The following MKRN2 variants were observed in gnomAD, a reference collection of about 807,000 sequenced individuals.
MKRN2 encodes E3 ubiquitin-protein ligase makorin-2.
Under a neutral mutation model 45.4 loss-of-function variants are expected in MKRN2, and 32 were observed. The ratio of observed to expected loss-of-function variants is 0.70; its 90% confidence interval spans 0.53 to 0.95. MKRN2 has a LOEUF of 0.95. MKRN2 is among the 40% of genes least tolerant of loss of function. The pLI is 0.00. For missense variants in MKRN2, 526 were observed against 536.7 expected (o/e 0.98, Z 0.20); for synonymous variants, 206 against 192.4 (o/e 1.07, Z -0.59).
At chr3:12,576,781 C>A in intron 6 of MKRN2, 40 bp downstream of exon 6, 1 of 1,407,726 alleles carries the variant, frequency 7.1e-7, no homozygotes, top group Non-Finnish European at 1.0e-6. Context: ...TGCTGCCTGC[C>A]TGGCTCTGCT....
intron 3 of MKRN2, among the ~76,000 whole-genome samples, chr3:12,570,890 A>G (rs1181428659): frequency 2.7e-5 from 4 of 147,548 alleles, no homozygotes; most frequent in Non-Finnish European, 4.4e-5. Flanking sequence ...TCTCAAAAAA[A>G]AAAAAAAAAA....
intron 1 of MKRN2, among the ~76,000 whole-genome samples, chr3:12,566,683 A>G (rs2058070589): frequency 6.6e-6 from 1 of 151,794 alleles, no homozygotes; most frequent in African/African-American, 2.4e-5. Context: ...GCTCACTGCA[A>G]CCTCCGCCTC....
At chr3:12,574,754 G>A (rs1294828324) in intron 4 of MKRN2, 38 bp from the exon 5 acceptor site, 3 of 1,575,324 alleles carry the variant, frequency 1.9e-6, no homozygotes, top group South Asian at 1.1e-5. Flanking sequence ...CTCCTCAGTG[G>A]CCCACAACCA....
chr3:12,563,916 G>C (rs1559387031), intron 1 of MKRN2, among the ~76,000 whole-genome samples: 1 of 150,654 alleles, frequency 6.6e-6, no homozygotes, highest in Non-Finnish European at 1.5e-5. Flanking sequence ...ATGAACACGG[G>C]TGTGCAAATG....
intron 1 of MKRN2, 97 bp downstream of exon 1, chr3:12,557,273 C>T (rs2057984153): frequency 1.4e-6 from 2 of 1,457,780 alleles, no homozygotes; most frequent in East Asian, 2.8e-5. Context: ...GAGGCTAGAG[C>T]GGGACTCGGA....
At chr3:12,559,165 C>A (rs1377611521) in intron 1 of MKRN2, among the ~76,000 whole-genome samples, 1 of 152,158 alleles carries the variant, frequency 6.6e-6, no homozygotes, top group African/African-American at 2.4e-5. Flanking sequence ...GGAGTCAGGG[C>A]TCCCGATGAC....
In MKRN2 at chr3:12,572,379, G is replaced by A. The variant is rs1226393210; in HGVS notation, c.642+6G>A. The A allele has an allele frequency of 3.2e-6, 5 of 1,547,046 alleles. No individual in the cohort carries two copies. Among genetic ancestry groups the A allele is most frequent in the Non-Finnish European group, 4.4e-6 (5 of 1,143,818 alleles). On this transcript the variant is annotated splice_donor_region_variant and intron_variant, in intron 4 of 7. Coordinates refer to ENST00000170447, the MANE Select transcript of MKRN2 (RefSeq NM_014160.5). Reference sequence around the variant, plus strand: ...AGAGGAAGGCTCATGAAAAGGTAAAGTCACAAACCTTTGCATGAACTCATG... The same window carrying A: ...AGAGGAAGGCTCATGAAAAGGTAAAATCACAAACCTTTGCATGAACTCATG...
In MKRN2 at chr3:12,582,243, C is replaced by A. The variant is rs2125310032; in HGVS notation, c.1241C>A (p.Ser414Ter). Residue 414 changes from serine (S) to a stop codon, truncating the protein, a stop_gained, in exon 8 of 8, where the codon TCA becomes TAA. Transcript: ENST00000170447. LOFTEE classifies it high-confidence loss of function. ...ATGCACCTTTCTGGAGTGGAATCAT[C>A]AGAACCCTAAAGAGTAGATGGTTGC... ...LFMHLSGVESSEP is the reference protein window; with the variant it reads ...LFMHLSGVES 8 of 1,614,104 alleles carry A rather than the reference C, an allele frequency of 5.0e-6. No homozygotes were observed. The highest frequency in any genetic ancestry group is 1.1e-5 in the South Asian group (1 of 91,076).
chr3:12,583,510 G>A lies in MKRN2; in HGVS notation c.*1257G>A, dbSNP rs1309197570. 1.9e-5 allele frequency: 4 copies of A among 208,698 alleles called. No individual in the cohort carries two copies. The highest frequency in any genetic ancestry group is 3.9e-5 in the Non-Finnish European group (4 of 102,650). The allele number at this position is 208,698 out of a possible 1,614,324, so 12.9% of individuals were successfully genotyped here. A position where few individuals can be genotyped will look rare whatever the true frequency, so the allele number is the denominator to read the frequency against. ...AGCCTAGGCTCTGGGCACATTTCCTGTTCTTGAATTCTGCTCCTGAAGAGG... is the reference window on the plus strand; with the variant it reads ...AGCCTAGGCTCTGGGCACATTTCCTATTCTTGAATTCTGCTCCTGAAGAGG... On this transcript the variant is annotated 3_prime_UTR_variant, in exon 8 of 8. Transcript: ENST00000170447.
In MKRN2 at chr3:12,583,626, T is replaced by C. The variant is rs951214810; in HGVS notation, c.*1373T>C. The C allele has an allele frequency of 4.3e-5, 10 of 232,240 alleles. No homozygotes were observed. Among genetic ancestry groups the C allele is most frequent in the Non-Finnish European group, 5.1e-5 (6 of 117,516 alleles). 14.4% of individuals were successfully genotyped at this position (232,240 alleles called of 1,614,324 possible). On this transcript the variant is annotated 3_prime_UTR_variant, in exon 8 of 8. Coordinates refer to ENST00000170447, the MANE Select transcript of MKRN2 (RefSeq NM_014160.5). ...TTACACCTAAATTTAATTTATTTTATTAAAATAACATAATTGAGGGACCAT... is the reference window on the plus strand; with the variant it reads ...TTACACCTAAATTTAATTTATTTTACTAAAATAACATAATTGAGGGACCAT...
At chr3:12,561,309 C>A (rs1412266502) in intron 1 of MKRN2, among the ~76,000 whole-genome samples, 1 of 152,128 alleles carries the variant, frequency 6.6e-6, no homozygotes, top group African/African-American at 2.4e-5. Flanking sequence ...GGCAAGTTTT[C>A]TGGATAGGAC....
At chr3:12,576,885 T>C (rs1028353708) in intron 6 of MKRN2, 144 bp downstream of exon 6, 62 of 448,082 alleles carry the variant, frequency 1.4e-4, no homozygotes, top group Admixed American at 4.4e-4. Flanking sequence ...GGCTCTGGGA[T>C]GCAGCAATGA....
intron 1 of MKRN2, among the ~76,000 whole-genome samples, chr3:12,565,406 C>T (rs540127198): frequency 9.9e-5 from 15 of 151,770 alleles, no homozygotes; most frequent in Middle Eastern, 3.4e-3. Context: ...GGCTAGAATA[C>T]GTCATAGGTT....
chr3:12,568,258 A>T (rs1028685113), intron 1 of MKRN2, among the ~76,000 whole-genome samples: 1 of 152,234 alleles, frequency 6.6e-6, no homozygotes, highest in African/African-American at 2.4e-5. Flanking sequence ...ATTGCACTTC[A>T]GCCTGGGTGA....
At chr3:12,579,250 C>T (rs1475353939) in intron 6 of MKRN2, among the ~76,000 whole-genome samples, 5 of 152,154 alleles carry the variant, frequency 3.3e-5, no homozygotes, top group Non-Finnish European at 7.4e-5. Flanking sequence ...CTGCAACCTC[C>T]GCCTCCAGGG....
intron 1 of MKRN2, among the ~76,000 whole-genome samples, chr3:12,558,418 C>T (rs1185699219): frequency 6.6e-6 from 1 of 152,154 alleles, no homozygotes; most frequent in Non-Finnish European, 1.5e-5. Context: ...GGTCATTGTG[C>T]ACTGTAAAGC....
At position 12,583,616 on chromosome 3, in the gene MKRN2, ATTTAT is replaced by A. The variant is rs1478027698; in HGVS notation, c.*1370_*1374del. The A allele has an allele frequency of 2.2e-5, 5 of 231,794 alleles. No homozygotes were observed. The highest frequency in any genetic ancestry group is 3.4e-5 in the Non-Finnish European group (4 of 117,242). 14.4% of individuals were successfully genotyped at this position (231,794 alleles called of 1,614,324 possible). A position where few individuals can be genotyped will look rare whatever the true frequency, so the allele number is the denominator to read the frequency against. On this transcript the variant is annotated 3_prime_UTR_variant, in exon 8 of 8. Coordinates refer to ENST00000170447, the MANE Select transcript of MKRN2 (RefSeq NM_014160.5). ...CAGCCAGCCATTACACCTAAATTTA[ATTTAT>A]TTTATTAAAATAACATAATTGAGGG...
rs568323885 is a variant in MKRN2 at position 12,576,210 on chromosome 3, TGTG to T, written c.858-420_858-418del. ...ATATATGTGTGTGTGTGTGTGTGTG[TGTG>T]TGTGTGTGTGTGTGTGTATTTTTTT... On this transcript the variant is annotated intron_variant, in intron 5 of 7. Transcript: ENST00000170447. Among the ~76,000 whole-genome samples, 70 of 149,722 alleles carry T rather than the reference TGTG, an allele frequency of 4.7e-4. 1 individual carries two copies. Among genetic ancestry groups the T allele is most frequent in the African/African-American group, 1.7e-3 (68 of 39,428 alleles).
chr3:12,557,531 G>C (rs1367848067), intron 1 of MKRN2, among the ~76,000 whole-genome samples: 1 of 152,264 alleles, frequency 6.6e-6, no homozygotes, highest in Non-Finnish European at 1.5e-5. Flanking sequence ...TTGAAGTTGA[G>C]TAAAGGGACG....
Sources: gnomAD v4.1 joint callset for allele counts (sites outside exome capture counted in the v4.1 genomes callset) on GRCh38, gnomAD v4.1.1 for gene constraint, MANE v1.5 for transcripts, NCBI Gene and HGNC (gene_info 2026-07-23, HGNC 2026-07-21) for gene names.